The following SEZ6L variants were observed in gnomAD, a reference collection of about 807,000 sequenced individuals.
SEZ6L encodes seizure related 6 homolog like, also known as seizure 6-like protein.
In SEZ6L, 37 loss-of-function variants were observed where a neutral mutation model predicts 106.2. The ratio of observed to expected loss-of-function variants is 0.35; its 90% confidence interval spans 0.27 to 0.46. SEZ6L has a LOEUF of 0.46. Ranked by LOEUF, SEZ6L falls within the 20% of genes least tolerant of loss-of-function variation. The pLI is 1.00. For missense variants in SEZ6L, 1,172 were observed against 1,332.8 expected (o/e 0.88, Z 1.88); for synonymous variants, 541 against 570.4 (o/e 0.95, Z 0.73).
At chr22:26,200,998 G>A (rs750425633) in intron 1 of SEZ6L, among the ~76,000 whole-genome samples, 6 of 151,984 alleles carry the variant, frequency 3.9e-5, no homozygotes, top group African/African-American at 1.2e-4. Context: ...AGACTCCTCC[G>A]GTTCCCCCAA....
At chr22:26,251,199 T>C (rs748342361) in intron 1 of SEZ6L, among the ~76,000 whole-genome samples, 10 of 152,156 alleles carry the variant, frequency 6.6e-5, no homozygotes, top group Non-Finnish European at 7.4e-5. Context: ...GTGGTGAGAG[T>C]AGGCAGCCTT....
intron 1 of SEZ6L, among the ~76,000 whole-genome samples, chr22:26,261,128 T>A (rs2079992625): frequency 6.6e-6 from 1 of 152,224 alleles, no homozygotes; most frequent in Admixed American, 6.5e-5. Context: ...AGATTATGGA[T>A]ATTAGTCCTT....
rs183099675 is a variant in SEZ6L at position 26,302,294 on chromosome 22, C to T, written c.1348+3125C>T. Among the ~76,000 whole-genome samples the T allele has an allele frequency of 5.9e-5, 9 of 152,238 alleles. No homozygotes were observed. In the East Asian group the frequency reaches 1.4e-3, roughly 23 times the overall value. ...ATCAAAATTTTCACTTTAACATGGCCCTTGGGTGACTCATATGCACATTAC... is the reference window on the plus strand; with the variant it reads ...ATCAAAATTTTCACTTTAACATGGCTCTTGGGTGACTCATATGCACATTAC... On this transcript the variant is annotated intron_variant, in intron 5 of 16. Transcript: ENST00000248933.
chr22:26,309,901 C>T (rs904344793), intron 6 of SEZ6L, among the ~76,000 whole-genome samples: 2 of 144,530 alleles, frequency 1.4e-5, no homozygotes, highest in Non-Finnish European at 3.1e-5. Flanking sequence ...TGCAATTGTA[C>T]CCATTTTACA....
intron 1 of SEZ6L, among the ~76,000 whole-genome samples, chr22:26,291,011 A>T (rs2081090697): frequency 6.6e-6 from 1 of 152,264 alleles, no homozygotes; most frequent in Non-Finnish European, 1.5e-5. Context: ...ACCATTGTGG[A>T]AGATGGTGCT....
chr22:26,211,104 G>T (rs369556863), intron 1 of SEZ6L, among the ~76,000 whole-genome samples: 2 of 152,134 alleles, frequency 1.3e-5, no homozygotes, highest in East Asian at 1.9e-4. Context: ...GAAGCCTCAA[G>T]CCCTGGTCTT....
At chr22:26,331,427 GC>G (rs1259263011) in intron 9 of SEZ6L, among the ~76,000 whole-genome samples, 3 of 152,082 alleles carry the variant, frequency 2.0e-5, no homozygotes, top group Non-Finnish European at 4.4e-5. Context: ...CCAGCAAACA[GC>G]CCCCTCTCTG....
At chr22:26,235,991 C>G (rs1310471090) in intron 1 of SEZ6L, among the ~76,000 whole-genome samples, 1 of 152,246 alleles carries the variant, frequency 6.6e-6, no homozygotes. Context: ...ACATCAGAGG[C>G]ACCTCCTGGC....
intron 1 of SEZ6L, among the ~76,000 whole-genome samples, chr22:26,173,563 A>C (rs1938769964): frequency 6.6e-6 from 1 of 152,210 alleles, no homozygotes; most frequent in Non-Finnish European, 1.5e-5. Context: ...CATAAGAAGC[A>C]AGTCTTCTGG....
At chr22:26,313,991 A>G (rs921017168) in intron 9 of SEZ6L, 89 bp downstream of exon 9, 1 of 1,358,976 alleles carries the variant, frequency 7.4e-7, no homozygotes, top group Non-Finnish European at 1.0e-6. Context: ...TTCAACCAAT[A>G]TTAACTAAGC....
At chr22:26,324,758 A>G (rs2082259204) in intron 9 of SEZ6L, among the ~76,000 whole-genome samples, 2 of 152,362 alleles carry the variant, frequency 1.3e-5, no homozygotes, top group South Asian at 4.1e-4. Context: ...AAAATTTCAT[A>G]GAGCCCAAAT....
chr22:26,283,215 C>T (rs371170641), intron 1 of SEZ6L, among the ~76,000 whole-genome samples: 19 of 152,228 alleles, frequency 1.2e-4, no homozygotes, highest in Admixed American at 3.3e-4. Context: ...CCACTGCATC[C>T]GGCTGCAATA....
chr22:26,351,829 G>C (rs917471933), intron 12 of SEZ6L, among the ~76,000 whole-genome samples: 1 of 151,972 alleles, frequency 6.6e-6, no homozygotes, highest in Non-Finnish European at 1.5e-5. Context: ...TTACAGGCAT[G>C]AGCCACCACC....
chr22:26,205,072 C>A (rs751191228), intron 1 of SEZ6L, among the ~76,000 whole-genome samples: 5 of 152,214 alleles, frequency 3.3e-5, no homozygotes, highest in Non-Finnish European at 5.9e-5. Flanking sequence ...TTCATTATTC[C>A]TTTCCATTGG....
chr22:26,223,477 G>A (rs1423016176), intron 1 of SEZ6L, among the ~76,000 whole-genome samples: 2 of 152,048 alleles, frequency 1.3e-5, no homozygotes, highest in African/African-American at 4.8e-5. Context: ...TTAATTTCAA[G>A]CACAAATTGT....
intron 1 of SEZ6L, among the ~76,000 whole-genome samples, chr22:26,176,665 T>TA (rs745668286): frequency 6.6e-6 from 1 of 152,212 alleles, no homozygotes; most frequent in Non-Finnish European, 1.5e-5. Flanking sequence ...GCCTGATATA[T>TA]AAAATGAGAG....
intron 9 of SEZ6L, among the ~76,000 whole-genome samples, chr22:26,327,135 CT>C (rs1448566222): frequency 6.6e-6 from 1 of 152,052 alleles, no homozygotes; most frequent in African/African-American, 2.4e-5. Flanking sequence ...GCTCTGTCAA[CT>C]CTTCCTCCAG....
chr22:26,283,132 G>A (rs1169595402), intron 1 of SEZ6L, among the ~76,000 whole-genome samples: 2 of 152,082 alleles, frequency 1.3e-5, no homozygotes, highest in African/African-American at 4.8e-5. Flanking sequence ...ATATTGGCCA[G>A]GCTGGTCTTC....
chr22:26,201,786 A>C (rs1940976500), intron 1 of SEZ6L, among the ~76,000 whole-genome samples: 1 of 152,188 alleles, frequency 6.6e-6, no homozygotes, highest in Non-Finnish European at 1.5e-5. Flanking sequence ...AAATAAGCTA[A>C]TACCTCCAAA....
Sources: allele counts gnomAD v4.1 joint callset (sites outside exome capture counted in the v4.1 genomes callset), GRCh38; gene constraint gnomAD v4.1.1; transcripts MANE v1.5; gene names NCBI Gene and HGNC (gene_info 2026-07-23, HGNC 2026-07-21).